The following DMXL1 variants were observed in gnomAD, a reference collection of about 807,000 sequenced individuals.
DMXL1 encodes Dmx like 1, also known as dmX-like protein 1.
DMXL1 carries 99 observed loss-of-function variants against 319.2 expected under a neutral mutation model. That is an observed-to-expected ratio of 0.31 (90% CI 0.26 to 0.37). The LOEUF is 0.37. Among genes scored for constraint, DMXL1 ranks in the 10% least tolerant of loss-of-function variants. The pLI, the probability that DMXL1 is intolerant of heterozygous loss-of-function variation, is 1.00. For missense variants in DMXL1, 3,745 were observed against 3,595.6 expected, an observed-to-expected ratio of 1.04 and a Z score of -1.06; for synonymous variants, 1,385 against 1,235.2, an observed-to-expected ratio of 1.12 and a Z score of -2.54.
chr5:119,230,194 T>C (rs1786415009), intron 38 of DMXL1, among the ~76,000 whole-genome samples: 1 of 152,198 alleles, frequency 6.6e-6, no homozygotes, highest in Non-Finnish European at 1.5e-5. Flanking sequence ...ATTTGACTAG[T>C]AAGCCTAAGT....
At chr5:119,131,081 C>T (rs1254160858) in intron 10 of DMXL1, among the ~76,000 whole-genome samples, 1 of 150,552 alleles carries the variant, frequency 6.6e-6, no homozygotes, top group East Asian at 1.9e-4. Flanking sequence ...GCAAATTAAG[C>T]AGAATATCTT....
intron 1 of DMXL1, among the ~76,000 whole-genome samples, chr5:119,089,054 T>C (rs1030612581): frequency 7.9e-5 from 12 of 151,562 alleles, no homozygotes; most frequent in Non-Finnish European, 1.3e-4. Flanking sequence ...TTTTTGCAAG[T>C]CTTAATGGTG....
In DMXL1 at chr5:119,197,867, C is replaced by G; in HGVS notation, c.7656C>G (p.Ile2552Met). The change falls in exon 32 of 44, where the codon ATC (isoleucine) becomes ATG (methionine). Residue 2552 changes from isoleucine to methionine, a missense_variant. Coordinates refer to ENST00000539542, the MANE Select transcript of DMXL1 (RefSeq NM_001290321.3). ...ATGGTGGGCCACCTCAAAATTATAT[C>G]GCAAGTCATACCGCCGAAGAGAGTT... Reference protein sequence around the residue: ...EIHGGPPQNYIASHTAEESLS... With the variant: ...EIHGGPPQNYMASHTAEESLS... 1.2e-6 allele frequency: 2 copies of G among 1,614,188 alleles called. No homozygotes were observed. The highest frequency in any genetic ancestry group is 1.7e-6 in the Non-Finnish European group (2 of 1,180,030).
chr5:119,238,139 T>C (rs1344195444), intron 40 of DMXL1, among the ~76,000 whole-genome samples: 2 of 151,688 alleles, frequency 1.3e-5, no homozygotes, highest in African/African-American at 2.4e-5. Context: ...GTTTGTTCTC[T>C]AAGGGACTGT....
At chr5:119,143,710 A>G in intron 13 of DMXL1, 131 bp from the exon 14 acceptor site, 1 of 483,292 alleles carries the variant, frequency 2.1e-6, no homozygotes, top group Non-Finnish European at 3.6e-6. Flanking sequence ...GAATTTTTAT[A>G]GTTGAAAGGG....
At chr5:119,079,840 C>T (rs1429650256) in intron 1 of DMXL1, among the ~76,000 whole-genome samples, 1 of 152,154 alleles carries the variant, frequency 6.6e-6, no homozygotes, top group Non-Finnish European at 1.5e-5. Context: ...CGCCCCCAAC[C>T]CCACCCTCTT....
intron 9 of DMXL1, among the ~76,000 whole-genome samples, chr5:119,124,826 C>G (rs978953502): frequency 6.6e-6 from 1 of 152,088 alleles, no homozygotes; most frequent in Non-Finnish European, 1.5e-5. Flanking sequence ...CTTGGCCTCC[C>G]AAGGTGGTGG....
intron 1 of DMXL1, among the ~76,000 whole-genome samples, chr5:119,095,457 C>G (rs1358261827): frequency 6.6e-6 from 1 of 152,134 alleles, no homozygotes; most frequent in Non-Finnish European, 1.5e-5. Flanking sequence ...TTAGTATAGA[C>G]TTGATGTGGG....
intron 25 of DMXL1, among the ~76,000 whole-genome samples, chr5:119,173,776 G>GTGTGTGTGTATATATATA: frequency 6.0e-5 from 4 of 67,172 alleles, no homozygotes; most frequent in South Asian, 1.1e-3. Context: ...ATGTGTGTGT[G>GTGTGTGTGTATATATATA]TATATATATA....
chr5:119,241,737 T>C (rs1788862080), intron 42 of DMXL1, among the ~76,000 whole-genome samples: 1 of 152,132 alleles, frequency 6.6e-6, no homozygotes, highest in Non-Finnish European at 1.5e-5. Flanking sequence ...TTTACACTGT[T>C]GCACTAAATA....
chr5:119,130,259 A>T (rs1764554543), intron 10 of DMXL1, among the ~76,000 whole-genome samples: 1 of 152,056 alleles, frequency 6.6e-6, no homozygotes, highest in Non-Finnish European at 1.5e-5. Flanking sequence ...GCTCACACAA[A>T]CATCTAAATA....
chr5:119,187,228 TC>T (rs1234154814), intron 28 of DMXL1, among the ~76,000 whole-genome samples: 1 of 152,198 alleles, frequency 6.6e-6, no homozygotes, highest in Admixed American at 6.5e-5. Flanking sequence ...AATTCTATAT[TC>T]AAGTTGCTCT....
chr5:119,155,566 C>T (rs978291270), intron 19 of DMXL1, among the ~76,000 whole-genome samples: 2 of 152,076 alleles, frequency 1.3e-5, no homozygotes, highest in Non-Finnish European at 2.9e-5. Context: ...GAGCCAGGCA[C>T]GATGGCTCAT....
At chr5:119,099,290 A>G (rs565357119) in intron 2 of DMXL1, among the ~76,000 whole-genome samples, 1 of 152,142 alleles carries the variant, frequency 6.6e-6, no homozygotes, top group African/African-American at 2.4e-5. Flanking sequence ...AGCTCACTGC[A>G]GCCTCTGGCT....
chr5:119,235,269 T>C (rs933830198), intron 39 of DMXL1, among the ~76,000 whole-genome samples: 1 of 152,306 alleles, frequency 6.6e-6, no homozygotes, highest in Non-Finnish European at 1.5e-5. Context: ...CTATGAGGAC[T>C]AATTCCTCAG....
intron 9 of DMXL1, among the ~76,000 whole-genome samples, chr5:119,128,660 G>C (rs889022870): frequency 6.6e-6 from 1 of 152,154 alleles, no homozygotes; most frequent in South Asian, 2.1e-4. Context: ...TACCACTTTT[G>C]GTAGTGGATG....
At chr5:119,237,914 C>T (rs1788053512) in intron 40 of DMXL1, among the ~76,000 whole-genome samples, 1 of 151,890 alleles carries the variant, frequency 6.6e-6, no homozygotes, top group African/African-American at 2.4e-5. Flanking sequence ...TATTTCATAT[C>T]TTCAGTGAAG....
At chr5:119,145,528 T>TCAG (rs1768330611) in intron 15 of DMXL1, among the ~76,000 whole-genome samples, 1 of 151,742 alleles carries the variant, frequency 6.6e-6, no homozygotes, top group African/African-American at 2.4e-5. Flanking sequence ...TAAGATTATT[T>TCAG]ATTGTATAAA....
chr5:119,170,098 A>G (rs978980063), intron 23 of DMXL1, 92 bp from the exon 24 acceptor site: 19 of 1,346,964 alleles, frequency 1.4e-5, no homozygotes, highest in African/African-American at 1.5e-5. Flanking sequence ...GACTCTTTAG[A>G]TAAAGGTGTC....
Sources: allele counts gnomAD v4.1 joint callset (sites outside exome capture counted in the v4.1 genomes callset), GRCh38; gene constraint gnomAD v4.1.1; transcripts MANE v1.5; gene names NCBI Gene and HGNC (gene_info 2026-07-23, HGNC 2026-07-21).